The following MGAT5 variants were observed in gnomAD, a reference collection of about 807,000 sequenced individuals.
MGAT5 encodes alpha-1,6-mannosylglycoprotein 6-beta-N-acetylglucosaminyltransferase A.
A neutral mutation model predicts 94.3 loss-of-function variants in MGAT5; 30 were observed. The ratio of observed to expected loss-of-function variants is 0.32; its 90% confidence interval spans 0.24 to 0.43. MGAT5 has a LOEUF of 0.43. Among genes scored for constraint, MGAT5 ranks in the 20% least tolerant of loss-of-function variants. The probability of loss-of-function intolerance (pLI) is 1.00; values close to 1 mark genes in which losing one functional copy is unlikely to be tolerated. For synonymous variants in MGAT5, 310 were observed against 322.9 expected (o/e 0.96, Z 0.43); for missense variants, 691 against 905.5 (o/e 0.76, Z 3.04).
intron 9 of MGAT5, among the ~76,000 whole-genome samples, chr2:134,356,036 G>A (rs1296256177): frequency 6.6e-6 from 1 of 151,958 alleles, no homozygotes; most frequent in Non-Finnish European, 1.5e-5. Context: ...TGTTTGTATA[G>A]TTTTATTTAT....
intron 10 of MGAT5, among the ~76,000 whole-genome samples, chr2:134,376,265 C>T (rs903695195): frequency 3.3e-5 from 5 of 152,154 alleles, no homozygotes; most frequent in Admixed American, 3.3e-4. Flanking sequence ...CAAACGCTCC[C>T]TTTTCATTCT....
chr2:134,158,536 C>A (rs939741722), intron 1 of MGAT5, among the ~76,000 whole-genome samples: 8 of 152,322 alleles, frequency 5.3e-5, no homozygotes, highest in South Asian at 2.1e-4. Context: ...CAGGCCCTTC[C>A]AAGCCTGTGG....
At chr2:134,320,347 C>G (rs183977664) in intron 4 of MGAT5, among the ~76,000 whole-genome samples, 5 of 151,504 alleles carry the variant, frequency 3.3e-5, no homozygotes, top group Non-Finnish European at 7.4e-5. Flanking sequence ...CATTTGTACC[C>G]TTGAATTTAA....
At chr2:134,232,047 AG>A (rs1347853843) in intron 1 of MGAT5, among the ~76,000 whole-genome samples, 10 of 151,552 alleles carry the variant, frequency 6.6e-5, no homozygotes, top group Non-Finnish European at 1.5e-4. Context: ...CCTTTTCCTC[AG>A]CTGCCCAAGC....
At chr2:134,176,532 C>A (rs1688472293) in intron 1 of MGAT5, among the ~76,000 whole-genome samples, 1 of 140,310 alleles carries the variant, frequency 7.1e-6, no homozygotes, top group Non-Finnish European at 1.5e-5. Context: ...GAGATCACAC[C>A]ACTGCACTCC....
At chr2:134,251,827 G>T (rs1055101037), upstream of MGAT5, among the ~76,000 whole-genome samples, 1 of 152,052 alleles carries the variant, frequency 6.6e-6, no homozygotes, top group African/African-American at 2.4e-5. Flanking sequence ...ACCTTGCTGT[G>T]CAATAGAACA....
chr2:134,399,166 C>T (rs770814250), intron 10 of MGAT5, among the ~76,000 whole-genome samples: 8 of 152,144 alleles, frequency 5.3e-5, no homozygotes, highest in Non-Finnish European at 1.0e-4. Flanking sequence ...TGAAATATCC[C>T]ATATATCCCA....
intron 4 of MGAT5, among the ~76,000 whole-genome samples, chr2:134,326,054 T>TCTC (rs1205963411): frequency 6.3e-3 from 73 of 11,618 alleles, no homozygotes; most frequent in South Asian, 0.051. Flanking sequence ...CTCTCTCTCT[T>TCTC]TTTTTTTTTT....
At chr2:134,332,534 A>G (rs1434671844) in intron 4 of MGAT5, among the ~76,000 whole-genome samples, 1 of 152,240 alleles carries the variant, frequency 6.6e-6, no homozygotes. Context: ...ATGGGTAAGG[A>G]CTTCATGTCT....
At chr2:134,347,138 C>G (rs1011648558) in intron 8 of MGAT5, among the ~76,000 whole-genome samples, 3 of 152,084 alleles carry the variant, frequency 2.0e-5, no homozygotes, top group Non-Finnish European at 4.4e-5. Context: ...AAAATAGTTG[C>G]AAAACACACA....
intron 2 of MGAT5, among the ~76,000 whole-genome samples, chr2:134,279,225 T>G (rs1684554088): frequency 6.6e-6 from 1 of 152,242 alleles, no homozygotes; most frequent in Non-Finnish European, 1.5e-5. Context: ...CTGCCACTTA[T>G]GTGCTTTGAC....
intron 4 of MGAT5, among the ~76,000 whole-genome samples, chr2:134,325,543 T>C (rs1687592593): frequency 6.6e-6 from 1 of 152,132 alleles, no homozygotes; most frequent in African/African-American, 2.4e-5. Context: ...TCATATCATC[T>C]GTTTCAATGT....
chr2:134,367,177 T>C (rs1228486965), intron 10 of MGAT5, among the ~76,000 whole-genome samples: 2 of 152,210 alleles, frequency 1.3e-5, no homozygotes, highest in Non-Finnish European at 2.9e-5. Context: ...CTGCCTAAGG[T>C]TGGGTACATT....
At chr2:134,307,201 C>T (rs1686377827) in intron 2 of MGAT5, among the ~76,000 whole-genome samples, 1 of 152,080 alleles carries the variant, frequency 6.6e-6, no homozygotes, top group Non-Finnish European at 1.5e-5. Context: ...TGCTGTTAAT[C>T]AAAGAAGGGG....
intron 4 of MGAT5, among the ~76,000 whole-genome samples, chr2:134,323,075 G>T (rs1687426587): frequency 6.6e-6 from 1 of 152,182 alleles, no homozygotes; most frequent in African/African-American, 2.4e-5. Context: ...TCTTAGGGTT[G>T]TCTCAGTTCA....
chr2:134,338,343 C>T lies in MGAT5; in HGVS notation c.730C>T (p.Arg244Ter). The T allele has an allele frequency of 6.2e-7, 1 of 1,612,846 alleles. No individual in the cohort carries two copies. The highest frequency in any genetic ancestry group is 8.5e-7 in the Non-Finnish European group (1 of 1,179,348). Residue 244 changes from arginine (R) to a stop codon, truncating the protein, a stop_gained, in exon 6 of 16, where the codon CGA becomes TGA. Transcript: ENST00000281923. LOFTEE classifies it high-confidence loss of function. ...EFRWMRLRIRRMADAWIQAIK... is the reference protein window; with the variant it reads ...EFRWMRLRIR Reference sequence around the variant, plus strand: ...CCGGTGGATGAGACTACGGATCCGGCGAATGGCTGACGCATGGATCCAAGC... The same window carrying T: ...CCGGTGGATGAGACTACGGATCCGGTGAATGGCTGACGCATGGATCCAAGC...
At chr2:134,444,531 A>C (rs1225702204) in intron 15 of MGAT5, among the ~76,000 whole-genome samples, 1 of 152,248 alleles carries the variant, frequency 6.6e-6, no homozygotes, top group Non-Finnish European at 1.5e-5. Flanking sequence ...AACCCCTGCT[A>C]TCTGGCAGTC....
At chr2:134,204,579 G>T (rs1679944243) in intron 1 of MGAT5, among the ~76,000 whole-genome samples, 1 of 152,126 alleles carries the variant, frequency 6.6e-6, no homozygotes, top group African/African-American at 2.4e-5. Flanking sequence ...AAAAACAGAT[G>T]CTGGGAGAGG....
intron 1 of MGAT5, among the ~76,000 whole-genome samples, chr2:134,181,507 G>T (rs943110037): frequency 2.0e-5 from 3 of 152,150 alleles, no homozygotes; most frequent in Non-Finnish European, 4.4e-5. Context: ...GGGACACATT[G>T]TCTGTAGAGA....
Sources: gnomAD v4.1 joint callset for allele counts (sites outside exome capture counted in the v4.1 genomes callset) on GRCh38, gnomAD v4.1.1 for gene constraint, MANE v1.5 for transcripts, NCBI Gene and HGNC (gene_info 2026-07-23, HGNC 2026-07-21) for gene names.